The following DNAH11 variants were observed in gnomAD, a reference collection of about 807,000 sequenced individuals.
DNAH11 encodes axonemal beta dynein heavy chain 11.
A neutral mutation model predicts 526.0 loss-of-function variants in DNAH11; 442 were observed. The ratio of observed to expected loss-of-function variants is 0.84; its 90% CI spans 0.78 to 0.91. The LOEUF is 0.91. Ranked by LOEUF, DNAH11 falls within the 40% of genes least tolerant of loss-of-function variation. The pLI, the probability that DNAH11 is intolerant of heterozygous loss-of-function variation, is 0.00. For missense variants in DNAH11, 6,989 were observed against 5,448.7 expected (o/e 1.28, Z -8.90); for synonymous variants, 2,461 against 1,935.9 (o/e 1.27, Z -7.12).
chr7:21,884,482 T>TA (rs1461665934), intron 76 of DNAH11, 72 bp downstream of exon 76: 7 of 1,424,458 alleles, frequency 4.9e-6, no homozygotes, highest in Non-Finnish European at 5.7e-6. Context: ...TTTTATAAAC[T>TA]AATTATACTA....
In DNAH11 at chr7:21,901,330, G is replaced by A; in HGVS notation, c.*76G>A. 4 of 1,468,914 alleles carry A rather than the reference G, an allele frequency of 2.7e-6. No homozygotes were observed. Among genetic ancestry groups the A allele is most frequent in the Admixed American group, 2.4e-5 (1 of 42,410 alleles). The allele number at this position is 1,468,914 out of a possible 1,614,324, so 91.0% of individuals were successfully genotyped here. On this transcript the variant is annotated 3_prime_UTR_variant, in exon 82 of 82. Transcript: ENST00000409508. ...TAGCATGTTGCTGCACTGTTCCCAT[G>A]CACATTATTCTAACTTTTTAGTAAC...
intron 40 of DNAH11, among the ~76,000 whole-genome samples, chr7:21,708,390 C>A (rs373099205): frequency 2.8e-4 from 42 of 152,318 alleles, no homozygotes; most frequent in African/African-American, 9.1e-4. Context: ...TATGTGAATT[C>A]CAGTTCTTCT....
chr7:21,637,981 A>T (rs1338524531), intron 27 of DNAH11, among the ~76,000 whole-genome samples: 1 of 151,904 alleles, frequency 6.6e-6, no homozygotes, highest in Non-Finnish European at 1.5e-5. Context: ...TGATTGATTG[A>T]TCAATTATTT....
At chr7:21,888,914 C>T (rs1168236575) in intron 76 of DNAH11, among the ~76,000 whole-genome samples, 3 of 152,040 alleles carry the variant, frequency 2.0e-5, no homozygotes, top group African/African-American at 7.2e-5. Context: ...CACACTGTAA[C>T]ATTTACCAAT....
chr7:21,812,978 C>T (rs1202616182), intron 63 of DNAH11, among the ~76,000 whole-genome samples: 2 of 152,008 alleles, frequency 1.3e-5, no homozygotes, highest in East Asian at 3.9e-4. Context: ...CAATTTGGTC[C>T]AAACAAGACT....
chr7:21,638,926 T>G lies in DNAH11; in HGVS notation c.4818-13T>G. On this transcript the variant is annotated splice_polypyrimidine_tract_variant and intron_variant, in intron 27 of 81. Transcript: ENST00000409508. ...GGACAAGATATGCTTAAAAACATTTTTCATTCATGTAGGCTTTCTCTTTGT... is the reference window on the plus strand; with the variant it reads ...GGACAAGATATGCTTAAAAACATTTGTCATTCATGTAGGCTTTCTCTTTGT... 1 of 1,593,904 alleles carries G rather than the reference T, an allele frequency of 6.3e-7. No homozygotes were observed. Among genetic ancestry groups the G allele is most frequent in the Non-Finnish European group, 8.5e-7 (1 of 1,173,442 alleles).
At chr7:21,597,612 A>G (rs1290753507) in intron 14 of DNAH11, among the ~76,000 whole-genome samples, 2 of 152,138 alleles carry the variant, frequency 1.3e-5, no homozygotes, top group Non-Finnish European at 2.9e-5. Flanking sequence ...CACTTATCAA[A>G]CAACCAGATC....
At chr7:21,608,934 A>G (rs1785409524) in intron 20 of DNAH11, among the ~76,000 whole-genome samples, 1 of 152,224 alleles carries the variant, frequency 6.6e-6, no homozygotes, top group South Asian at 2.1e-4. Flanking sequence ...TTCAGCAGAC[A>G]TGTCTAATGT....
rs530798555 is a variant in DNAH11 at position 21,716,469 on chromosome 7, G to T, written c.6984-1306G>T. Reference sequence around the variant, plus strand: ...GAGGAGAAAATTGAGGCACAGAGAGGTTAAGTAACTTGCCCAAGGTAACAC... The same window carrying T: ...GAGGAGAAAATTGAGGCACAGAGAGTTTAAGTAACTTGCCCAAGGTAACAC... On this transcript the variant is annotated intron_variant, in intron 42 of 81. Coordinates refer to ENST00000409508, the MANE Select transcript of DNAH11 (RefSeq NM_001277115.2). Among the ~76,000 whole-genome samples the T allele has an allele frequency of 3.3e-5, 5 of 152,266 alleles. No homozygotes were observed. In the South Asian group the frequency reaches 1.0e-3, roughly 32 times the overall value.
At chr7:21,826,891 G>A (rs796772051) in intron 65 of DNAH11, among the ~76,000 whole-genome samples, 1 of 152,110 alleles carries the variant, frequency 6.6e-6, no homozygotes, top group Non-Finnish European at 1.5e-5. Context: ...TGTTGTTGTT[G>A]TTTAACCAGT....
intron 39 of DNAH11, among the ~76,000 whole-genome samples, chr7:21,705,858 C>G (rs1298023554): frequency 6.6e-6 from 1 of 152,172 alleles, no homozygotes; most frequent in East Asian, 1.9e-4. Context: ...CTACCTTATG[C>G]ACCTTTCAAT....
chr7:21,814,097 A>T (rs1789658677), intron 63 of DNAH11, among the ~76,000 whole-genome samples: 1 of 152,212 alleles, frequency 6.6e-6, no homozygotes, highest in Admixed American at 6.5e-5. Flanking sequence ...AGGCAATTGT[A>T]GCACAATGGT....
At position 21,786,750 on chromosome 7, in the gene DNAH11, A is replaced by G. The variant is rs756857238; in HGVS notation, c.9724A>G (p.Lys3242Glu). The change falls in exon 59 of 82, where the codon AAA becomes GAA. Residue 3242 changes from lysine to glutamate, a missense_variant. Coordinates refer to ENST00000409508, the MANE Select transcript of DNAH11 (RefSeq NM_001277115.2). The stretch of plus-strand genomic sequence containing the variant: ...CAAAGACCGAAGTTGGAAAGCAGCT[A>G]AAGTCTTCATGGGAAAGGTATCAGC... ...VPKDRSWKAA[K>E]VFMGKVDDFL... 1.2e-6 allele frequency: 2 copies of G among 1,613,690 alleles called. No individual in the cohort carries two copies. The highest frequency in any genetic ancestry group is 2.2e-5 in the East Asian group (1 of 44,894).
In DNAH11 at chr7:21,658,847, G is replaced by A. The variant is rs763926220; in HGVS notation, c.5144G>A (p.Arg1715His). 45 of 1,603,894 alleles carry A rather than the reference G, an allele frequency of 2.8e-5. No homozygotes were observed. Among genetic ancestry groups the A allele is most frequent in the Admixed American group, 1.2e-4 (7 of 58,376 alleles). Residue 1715 changes from arginine (R) to histidine (H), a missense_variant, in exon 30 of 82, where the codon CGT (arginine) becomes CAT (histidine). Coordinates refer to ENST00000409508, the MANE Select transcript of DNAH11 (RefSeq NM_001277115.2). ...GAACAGACTATGCAAGAAACGGTGC[G>A]TCATTCTATAACAGAAGCCATAGTG... ...QLEQTMQETVRHSITEAIVAY... is the reference protein window; with the variant it reads ...QLEQTMQETVHHSITEAIVAY...
At chr7:21,833,329 A>G (rs926798135) in intron 65 of DNAH11, among the ~76,000 whole-genome samples, 1 of 152,198 alleles carries the variant, frequency 6.6e-6, no homozygotes, top group Non-Finnish European at 1.5e-5. Flanking sequence ...GTGGTGACAC[A>G]CTGGAATTTC....
intron 25 of DNAH11, among the ~76,000 whole-genome samples, chr7:21,624,076 C>T (rs1281262909): frequency 5.3e-5 from 8 of 152,052 alleles, no homozygotes; most frequent in Admixed American, 5.2e-4. Flanking sequence ...AAAGGTCTCA[C>T]CTCAAACACT....
intron 66 of DNAH11, among the ~76,000 whole-genome samples, chr7:21,843,955 C>T (rs1449564397): frequency 6.6e-6 from 1 of 152,118 alleles, no homozygotes; most frequent in African/African-American, 2.4e-5. Context: ...GATTTATGGC[C>T]TACATTTTGG....
intron 54 of DNAH11, among the ~76,000 whole-genome samples, chr7:21,760,333 A>G (rs1786844411): frequency 6.6e-6 from 1 of 152,178 alleles, no homozygotes; most frequent in Non-Finnish European, 1.5e-5. Flanking sequence ...CCTGCTCTAT[A>G]GATGAGTTTA....
rs1437762548 is a variant in DNAH11 at position 21,866,482 on chromosome 7, A to G, written c.11509A>G (p.Met3837Val). ...TATCATATTACAGGCAATTGCCGTC[A>G]TGGAAGAATTTCGAGGCATAGACCG... is the stretch of plus-strand genomic sequence containing the variant. ...SWSAIKAIAV[M>V]EEFRGIDRDV... The change falls in exon 71 of 82, where the codon ATG becomes GTG. Residue 3837 changes from methionine to valine, a missense_variant. Physicochemically the swap from Met to Val is conservative, Grantham distance 21 (BLOSUM62 1). Transcript: ENST00000409508. The G allele has an allele frequency of 1.2e-6, 2 of 1,610,856 alleles. No individual in the cohort carries two copies. Among genetic ancestry groups the G allele is most frequent in the African/African-American group, 1.3e-5 (1 of 74,638 alleles).
Sources: gnomAD v4.1 joint callset for allele counts (sites outside exome capture counted in the v4.1 genomes callset) on GRCh38, gnomAD v4.1.1 for gene constraint, MANE v1.5 for transcripts, NCBI Gene and HGNC (gene_info 2026-07-23, HGNC 2026-07-21) for gene names.